The following PHF24 variants were observed in gnomAD, a reference collection of about 807,000 sequenced individuals.
The protein encoded by PHF24 is PHD finger protein 24, also known as Galpha inhibitory interacting protein.
Under a neutral mutation model 42.6 loss-of-function variants are expected in PHF24, and 25 were observed. The ratio of observed to expected loss-of-function variants is 0.59; its 90% CI spans 0.43 to 0.82. PHF24 has a LOEUF of 0.82. PHF24 is among the 40% of genes least tolerant of loss of function. The pLI is 0.00. For synonymous variants in PHF24, 185 were observed against 204.8 expected, an observed-to-expected ratio of 0.90 and a Z score of 0.83; for missense variants, 470 against 538.1, an observed-to-expected ratio of 0.87 and a Z score of 1.25.
At chr9:34,694,241 C>T in the PHF24 span, among the ~76,000 whole-genome samples, 1 of 138,376 alleles carries the variant, frequency 7.2e-6, no homozygotes, top group Non-Finnish European at 1.5e-5. Flanking sequence ...ACAGTCTCAG[C>T]TAACTGCAGC....
the PHF24 span, among the ~76,000 whole-genome samples, chr9:34,839,263 G>A: frequency 6.6e-6 from 1 of 152,244 alleles, no homozygotes; most frequent in Non-Finnish European, 1.5e-5. Context: ...AATGCCTGTA[G>A]AGATGGATTA....
At chr9:34,729,744 G>C in the PHF24 span, among the ~76,000 whole-genome samples, 2 of 152,304 alleles carry the variant, frequency 1.3e-5, no homozygotes, top group Non-Finnish European at 2.9e-5. Flanking sequence ...CTTCACAACT[G>C]TATGGTCACC....
chr9:34,938,548 T>C, the PHF24 span, among the ~76,000 whole-genome samples: 1 of 152,156 alleles, frequency 6.6e-6, no homozygotes, highest in Non-Finnish European at 1.5e-5. Flanking sequence ...AAATCATAGC[T>C]CTGACACTTA....
At chr9:34,821,944 T>C in the PHF24 span, among the ~76,000 whole-genome samples, 2 of 152,224 alleles carry the variant, frequency 1.3e-5, no homozygotes, top group African/African-American at 4.8e-5. Context: ...AAACTTTTAT[T>C]TGTATAAAAT....
At chr9:34,810,044 C>G in the PHF24 span, among the ~76,000 whole-genome samples, 3 of 151,592 alleles carry the variant, frequency 2.0e-5, no homozygotes, top group Non-Finnish European at 4.4e-5. Flanking sequence ...CGCCTCAACT[C>G]GGCAGCTCAG....
chr9:34,835,697 G>A, the PHF24 span: 1 of 1,551,408 alleles, frequency 6.4e-7, no homozygotes, highest in South Asian at 1.2e-5. Flanking sequence ...CCTAGCTGGA[G>A]GTGATCAGCC....
chr9:34,681,693 C>A, the PHF24 span, among the ~76,000 whole-genome samples: 3 of 152,310 alleles, frequency 2.0e-5, no homozygotes, highest in Non-Finnish European at 4.4e-5. Context: ...TACCTGTAGT[C>A]CCAGCTACTT....
At chr9:34,733,138 A>G in the PHF24 span, among the ~76,000 whole-genome samples, 1 of 152,224 alleles carries the variant, frequency 6.6e-6, no homozygotes, top group Non-Finnish European at 1.5e-5. Flanking sequence ...ACTCTCACCA[A>G]AACTCTGTAA....
At chr9:34,707,867 G>T in the PHF24 span, among the ~76,000 whole-genome samples, 5 of 152,050 alleles carry the variant, frequency 3.3e-5, no homozygotes, top group Non-Finnish European at 7.4e-5. Flanking sequence ...GAGTAGCTGG[G>T]ATTACAGGCG....
chr9:34,836,102 C>T, the PHF24 span: 1 of 504,142 alleles, frequency 2.0e-6, no homozygotes, highest in Non-Finnish European at 4.0e-6. Flanking sequence ...CATCTACCTT[C>T]TTGGAAGAGT....
At chr9:34,668,476 C>T in the PHF24 span, among the ~76,000 whole-genome samples, 5 of 152,204 alleles carry the variant, frequency 3.3e-5, no homozygotes, top group Admixed American at 6.5e-5. Context: ...ACCCATGTCA[C>T]ACAGGACGTA....
intron 3 of PHF24, among the ~76,000 whole-genome samples, chr9:34,974,855 A>G (rs1262820045): frequency 6.6e-6 from 1 of 152,100 alleles, no homozygotes; most frequent in Middle Eastern, 3.2e-3. Flanking sequence ...ATCTCTGTGA[A>G]TAGTAATACC....
At chr9:34,837,030 G>T in the PHF24 span, 3 of 470,220 alleles carry the variant, frequency 6.4e-6, 1 homozygote, top group Non-Finnish European at 1.3e-5. Context: ...CACAGGCCAG[G>T]CTGGTGTTTA....
At chr9:34,973,109 CA>C (rs1449819354) in intron 3 of PHF24, among the ~76,000 whole-genome samples, 1 of 152,084 alleles carries the variant, frequency 6.6e-6, no homozygotes, top group Non-Finnish European at 1.5e-5. Context: ...GTGAAGGTAG[CA>C]AAATCACCCC....
chr9:34,878,190 T>G, the PHF24 span, among the ~76,000 whole-genome samples: 1 of 152,158 alleles, frequency 6.6e-6, no homozygotes, highest in Non-Finnish European at 1.5e-5. Context: ...CTCTCCATAC[T>G]CCACTCAATT....
chr9:34,750,536 AAATAAAG>A, the PHF24 span, among the ~76,000 whole-genome samples: 2 of 137,648 alleles, frequency 1.5e-5, no homozygotes, highest in African/African-American at 5.4e-5. Flanking sequence ...ATAAATAAAT[AAATAAAG>A]TGGGGGTATG....
the PHF24 span, among the ~76,000 whole-genome samples, chr9:34,803,037 A>G: frequency 3.9e-5 from 6 of 152,142 alleles, no homozygotes; most frequent in Non-Finnish European, 7.4e-5. Context: ...ATCTCAGGGG[A>G]TATGCATTTC....
the PHF24 span, among the ~76,000 whole-genome samples, chr9:34,872,192 TA>T: frequency 5.1e-3 from 506 of 99,640 alleles, 1 homozygote; most frequent in South Asian, 0.034. Context: ...TTATTTTTAT[TA>T]TTTTTTTATT....
At chr9:34,866,008 G>T in the PHF24 span, among the ~76,000 whole-genome samples, 1 of 152,212 alleles carries the variant, frequency 6.6e-6, no homozygotes, top group Non-Finnish European at 1.5e-5. Flanking sequence ...ACACCTCAGT[G>T]TTGCCCTATT....
Sources: allele counts gnomAD v4.1 joint callset (sites outside exome capture counted in the v4.1 genomes callset), GRCh38; gene constraint gnomAD v4.1.1; transcripts MANE v1.5; gene names NCBI Gene and HGNC (gene_info 2026-07-23, HGNC 2026-07-21).